Variants in AMMECR1L observed in about 807,000 individuals in gnomAD.
The protein encoded by AMMECR1L is AMMECR1-like protein.
A neutral mutation model predicts 36.8 loss-of-function variants in AMMECR1L; 4 were observed. The ratio of observed to expected loss-of-function variants is 0.11; its 90% CI spans 0.05 to 0.25. AMMECR1L has a LOEUF of 0.25. Among genes scored for constraint, AMMECR1L ranks in the 10% least tolerant of loss-of-function variants. The probability of loss-of-function intolerance (pLI) is 1.00; values close to 1 mark genes in which losing one functional copy is unlikely to be tolerated. For missense variants in AMMECR1L, 232 were observed against 392.1 expected, an observed-to-expected ratio of 0.59 and a Z score of 3.45; for synonymous variants, 147 against 148.0, an observed-to-expected ratio of 0.99 and a Z score of 0.05.
At chr2:127,879,178 C>T (rs1691379203) in intron 2 of AMMECR1L, among the ~76,000 whole-genome samples, 1 of 152,186 alleles carries the variant, frequency 6.6e-6, no homozygotes. Context: ...TGTTTGTCGC[C>T]ACCCAAGTCT....
At chr2:127,885,286 A>G in intron 1 of AMMECR1L, 1 of 984,444 alleles carries the variant, frequency 1.0e-6, no homozygotes, top group Non-Finnish European at 1.2e-6. Context: ...GACAGGGTGA[A>G]AGGTGAGAAA....
In AMMECR1L at chr2:127,869,628, C is replaced by A; in HGVS notation, c.634-84G>T. The A allele has an allele frequency of 8.6e-7, 1 of 1,159,678 alleles. No homozygotes were observed. 71.8% of individuals were successfully genotyped at this position (1,159,678 alleles called of 1,614,324 possible). A position where few individuals can be genotyped will look rare whatever the true frequency, so the allele number is the denominator to read the frequency against. On this transcript the variant is annotated intron_variant, in intron 5 of 7. Transcript: ENST00000272647. This position sits in a 1 kb window ranked among gnomAD's most constrained non-coding sequence, Gnocchi z 4.7. ...CCCCACATATAAATCAACATTGTTC[C>A]CTGACCAGCTTAACACAGGCCTGGA...
At chr2:127,870,036 G>C (rs954489781) in intron 5 of AMMECR1L, among the ~76,000 whole-genome samples, 1 of 152,182 alleles carries the variant, frequency 6.6e-6, no homozygotes, top group African/African-American at 2.4e-5. Context: ...AATACAAATG[G>C]CTGGGCATGG....
chr2:127,870,960 G>C, intron 4 of AMMECR1L, 32 bp from the exon 5 acceptor site: 2 of 1,541,104 alleles, frequency 1.3e-6, no homozygotes, highest in Non-Finnish European at 1.8e-6. Flanking sequence ...AGGTAAGGCT[G>C]CTCTGGAGTC....
intron 6 of AMMECR1L, 140 bp from the exon 7 acceptor site, chr2:127,867,136 C>T: frequency 2.7e-6 from 4 of 1,475,012 alleles, no homozygotes; most frequent in Non-Finnish European, 3.6e-6. Flanking sequence ...GGCACTGACC[C>T]CCACGTACCT....
chr2:127,880,383 C>T (rs1691437160), intron 2 of AMMECR1L, among the ~76,000 whole-genome samples: 1 of 152,170 alleles, frequency 6.6e-6, no homozygotes, highest in African/African-American at 2.4e-5. Flanking sequence ...AAAAAGCTGG[C>T]AGAAATCACA....
Position 127,874,759 on chromosome 2 carries a change from T to C in AMMECR1L, c.-38-487A>G, listed in dbSNP as rs1189751080. Among the ~76,000 whole-genome samples, 1 of 152,156 alleles carries C rather than the reference T, an allele frequency of 6.6e-6. No individual in the cohort carries two copies. The highest frequency in any genetic ancestry group is 2.4e-5 in the African/African-American group (1 of 41,440). The stretch of plus-strand genomic sequence containing the variant: ...TTTCCTCATCACTAACTACAATCTA[T>C]CTTCGTACTTTCAGCCCCAAACCAC... On this transcript the variant is annotated intron_variant, in intron 2 of 7. Coordinates refer to ENST00000272647, the MANE Select transcript of AMMECR1L (RefSeq NM_001199140.2). This position sits in a 1 kb window ranked among gnomAD's most constrained non-coding sequence, Gnocchi z 5.2.
At position 127,871,157 on chromosome 2, in the gene AMMECR1L, C is replaced by T. The variant is rs548432630; in HGVS notation, c.518+92G>A. 1.5e-6 allele frequency: 2 copies of T among 1,379,232 alleles called. No homozygotes were observed. Among genetic ancestry groups the T allele is most frequent in the African/African-American group, 1.4e-5 (1 of 70,012 alleles). The allele number at this position is 1,379,232 out of a possible 1,614,324, so 85.4% of individuals were successfully genotyped here. A position where few individuals can be genotyped will look rare whatever the true frequency, so the allele number is the denominator to read the frequency against. ...TTTCCTGATTACCAAAAAGAGAAAG[C>T]TCAACGTACATCACTTAGAAGAAAT... On this transcript the variant is annotated intron_variant, in intron 4 of 7. Transcript: ENST00000272647. This position sits in a 1 kb window ranked among gnomAD's most constrained non-coding sequence, Gnocchi z 4.3.
chr2:127,875,383 A>C (rs1409512705), intron 2 of AMMECR1L, among the ~76,000 whole-genome samples: 1 of 152,134 alleles, frequency 6.6e-6, no homozygotes, highest in East Asian at 1.9e-4. Context: ...GAGAGAAAGA[A>C]GGGCAAGTGG....
chr2:127,880,773 TACACACACACAC>T (rs56950354), intron 2 of AMMECR1L, among the ~76,000 whole-genome samples: 4 of 148,904 alleles, frequency 2.7e-5, no homozygotes, highest in Admixed American at 1.3e-4. Flanking sequence ...ACATACAGTA[TACACACACACAC>T]ACACACACAC....
chr2:127,880,040 C>T (rs1691422664), intron 2 of AMMECR1L, among the ~76,000 whole-genome samples: 1 of 152,160 alleles, frequency 6.6e-6, no homozygotes, highest in Non-Finnish European at 1.5e-5. Context: ...CAGGAGCTCA[C>T]GCCTGTAATC....
chr2:127,873,266 A>T lies in AMMECR1L; in HGVS notation c.407+562T>A. 1 of 985,498 alleles carries T rather than the reference A, an allele frequency of 1.0e-6. No homozygotes were observed. Among genetic ancestry groups the T allele is most frequent in the Non-Finnish European group, 1.2e-6 (1 of 829,944 alleles). 61.0% of individuals were successfully genotyped at this position (985,498 alleles called of 1,614,324 possible). A position where few individuals can be genotyped will look rare whatever the true frequency, so the allele number is the denominator to read the frequency against. On this transcript the variant is annotated intron_variant, in intron 3 of 7. Coordinates refer to ENST00000272647, the MANE Select transcript of AMMECR1L (RefSeq NM_001199140.2). The surrounding 1 kb of genome is among the most constrained non-coding windows in gnomAD (Gnocchi z 5.2). ...GCTTATTTAAGTCACTGAGACCAGT[A>T]GAGGGCTTGGGACAAGCAACAAAGA...
At position 127,874,326 on chromosome 2, in the gene AMMECR1L, G is replaced by A. The variant is rs1489667438; in HGVS notation, c.-38-54C>T. The A allele has an allele frequency of 1.0e-5, 15 of 1,487,018 alleles. No individual in the cohort carries two copies. Among genetic ancestry groups the A allele is most frequent in the Admixed American group, 7.3e-5 (3 of 41,304 alleles). The allele number at this position is 1,487,018 out of a possible 1,614,324, so 92.1% of individuals were successfully genotyped here. ...TTTGACTGGTTAGTTAAAAGGAGAG[G>A]AAAAAACATCAAAGATAGAGAGTCT... On this transcript the variant is annotated intron_variant, in intron 2 of 7. Coordinates refer to ENST00000272647, the MANE Select transcript of AMMECR1L (RefSeq NM_001199140.2). The surrounding 1 kb of genome is among the most constrained non-coding windows in gnomAD (Gnocchi z 5.2).
chr2:127,871,453 T>G lies in AMMECR1L; in HGVS notation c.408-94A>C. 7.8e-7 allele frequency: 1 copy of G among 1,283,202 alleles called. No individual in the cohort carries two copies. The highest frequency in any genetic ancestry group is 1.3e-5 in the South Asian group (1 of 77,186). The allele number at this position is 1,283,202 out of a possible 1,614,324, so 79.5% of individuals were successfully genotyped here. The stretch of plus-strand genomic sequence containing the variant: ...GCTTTGTCCCTATTCATTTCTGTTA[T>G]TGCCAAAAATCCCTGTTTTTGGACT... On this transcript the variant is annotated intron_variant, in intron 3 of 7. Transcript: ENST00000272647. The surrounding 1 kb of genome is among the most constrained non-coding windows in gnomAD (Gnocchi z 4.3).
intron 2 of AMMECR1L, among the ~76,000 whole-genome samples, chr2:127,882,901 ATTT>A (rs35596458): frequency 4.5e-5 from 6 of 132,892 alleles, no homozygotes; most frequent in Admixed American, 7.6e-5. Flanking sequence ...TGTGCCCAGA[ATTT>A]TTTTTTTTTT....
Position 127,871,489 on chromosome 2 carries a change from C to G in AMMECR1L, c.408-130G>C. 1.2e-6 allele frequency: 1 copy of G among 856,590 alleles called. No homozygotes were observed. The highest frequency in any genetic ancestry group is 1.8e-6 in the Non-Finnish European group (1 of 550,844). The allele number at this position is 856,590 out of a possible 1,614,324, so 53.1% of individuals were successfully genotyped here. ...CCCTGTTTTTGGACTTGCCAGCTAC[C>G]CGAAGGACTCTCTGCCTTTCTGAAA... On this transcript the variant is annotated intron_variant, in intron 3 of 7. Coordinates refer to ENST00000272647, the MANE Select transcript of AMMECR1L (RefSeq NM_001199140.2). The surrounding 1 kb of genome is among the most constrained non-coding windows in gnomAD (Gnocchi z 4.3).
At chr2:127,885,262 A>G in intron 1 of AMMECR1L, 1 of 984,036 alleles carries the variant, frequency 1.0e-6, no homozygotes, top group Non-Finnish European at 1.2e-6. Context: ...GGGGAGGGGA[A>G]AAGCGGGCCG....
At chr2:127,866,785 ACTTCTTT>A in intron 7 of AMMECR1L, 108 bp downstream of exon 7, 1 of 1,016,784 alleles carries the variant, frequency 9.8e-7, no homozygotes, top group East Asian at 2.6e-5. Flanking sequence ...CTTCACCCAC[ACTTCTTT>A]GATTTAGGGA....
chr2:127,874,198 T>C lies in AMMECR1L; in HGVS notation c.37A>G (p.Lys13Glu). Residue 13 changes from lysine (K) to glutamate (E), a missense_variant, in exon 3 of 8, where the codon AAG (lysine) becomes GAG (glutamate). Coordinates refer to ENST00000272647, the MANE Select transcript of AMMECR1L (RefSeq NM_001199140.2). The surrounding 1 kb of genome is among the most constrained non-coding windows in gnomAD (Gnocchi z 5.2). Reference protein sequence around the residue: ...KRRCVPPLEPKLAAGCCGVKK... With the variant: ...KRRCVPPLEPELAAGCCGVKK... ...ACCCCACAACAGCCTGCTGCCAACTTGGGCTCGAGTGGAGGAACACAACGT... is the reference window on the plus strand; with the variant it reads ...ACCCCACAACAGCCTGCTGCCAACTCGGGCTCGAGTGGAGGAACACAACGT... The C allele has an allele frequency of 1.2e-6, 2 of 1,614,196 alleles. No individual in the cohort carries two copies. The highest frequency in any genetic ancestry group is 1.7e-6 in the Non-Finnish European group (2 of 1,180,034).
Sources: allele counts gnomAD v4.1 joint callset (sites outside exome capture counted in the v4.1 genomes callset), GRCh38; gene constraint gnomAD v4.1.1; non-coding constraint Gnocchi (gnomAD v3.1); transcripts MANE v1.5; gene names NCBI Gene and HGNC (gene_info 2026-07-23, HGNC 2026-07-21).